SDS: variants seen among roughly 807,000 people sequenced by gnomAD.
SDS encodes the protein serine dehydratase, also known as L-serine dehydratase/L-threonine deaminase.
In SDS, 19 loss-of-function variants were observed where a neutral mutation model predicts 29.3. The observed-to-expected ratio is 0.65, with a 90% CI of 0.45 to 0.95. The LOEUF is 0.95. Ranked by LOEUF, SDS falls within the 40% of genes least tolerant of loss-of-function variation. The probability of loss-of-function intolerance (pLI) is 0.00; values close to 1 mark genes in which losing one functional copy is unlikely to be tolerated. For synonymous variants in SDS, 176 were observed against 189.0 expected (o/e 0.93, Z 0.56); for missense variants, 375 against 439.9 (o/e 0.85, Z 1.32).
intron 1 of SDS, 44 bp from the exon 2 acceptor site, chr12:113,399,754 C>G: frequency 6.8e-7 from 1 of 1,464,476 alleles, no homozygotes; most frequent in East Asian, 2.5e-5. Flanking sequence ...AGAGCTAGCC[C>G]CGGTGCCAGC....
intron 1 of SDS, among the ~76,000 whole-genome samples, chr12:113,403,340 A>G (rs989228032): frequency 2.0e-5 from 3 of 152,000 alleles, no homozygotes; most frequent in Non-Finnish European, 4.4e-5. Flanking sequence ...CCTGGCCAAC[A>G]TGGTGAAACC....
chr12:113,392,594 T>G lies in SDS; in HGVS notation c.*347A>C. On this transcript the variant is annotated 3_prime_UTR_variant, in exon 8 of 8. Transcript: ENST00000257549. ...CTGTTGACCTTCACTGGGAACAAGT[T>G]CAGGGGCGAGGTCACAGCTTTGAGG... 1 of 287,262 alleles carries G rather than the reference T, an allele frequency of 3.5e-6. No homozygotes were observed. The highest frequency in any genetic ancestry group is 6.5e-6 in the Non-Finnish European group (1 of 153,328). 17.8% of individuals were successfully genotyped at this position (287,262 alleles called of 1,614,324 possible).
chr12:113,401,374 TATTC>T lies in SDS; in HGVS notation c.-2-1668_-2-1665del, dbSNP rs200709963. Among the ~76,000 whole-genome samples the T allele has an allele frequency of 9.4e-3, 1,416 of 150,308 alleles. 8 individuals are homozygous for T. The highest frequency in any genetic ancestry group is 0.031 in the East Asian group (160 of 5,112). On this transcript the variant is annotated intron_variant, in intron 1 of 7. Transcript: ENST00000257549. ...GTGACTAATCACAGCTTTTAAATTTTATTCATTCATTCATTCATTCATTCATTCA... is the reference window on the plus strand; with the variant it reads ...GTGACTAATCACAGCTTTTAAATTTTATTCATTCATTCATTCATTCATTCA...
At chr12:113,403,069 A>G (rs1468701085) in intron 1 of SDS, among the ~76,000 whole-genome samples, 1 of 152,132 alleles carries the variant, frequency 6.6e-6, no homozygotes, top group African/African-American at 2.4e-5. Context: ...TCCCCATTCT[A>G]CAGATGTGGA....
chr12:113,401,807 T>C (rs1165417076), intron 1 of SDS, among the ~76,000 whole-genome samples: 1 of 152,104 alleles, frequency 6.6e-6, no homozygotes, highest in East Asian at 1.9e-4. Flanking sequence ...TCCCCTGCCT[T>C]CTGCTGAGAG....
intron 2 of SDS, 128 bp downstream of exon 2, chr12:113,399,428 C>T: frequency 8.5e-7 from 1 of 1,182,812 alleles, no homozygotes; most frequent in South Asian, 1.6e-5. Flanking sequence ...ATGGTGGACG[C>T]TCAGTCCTTG....
chr12:113,399,571 C>T lies in SDS; in HGVS notation c.138G>A (p.Gly46=). The change falls in exon 2 of 8, where the codon GGG becomes GGA. Residue 46 remains glycine, a synonymous_variant. Transcript: ENST00000257549. ...PSGSFKIRGI[G]HFCKRWAKQG... ...GGTCCCGTACCCTCTTGCAGAAGTG[C>T]CCAATGCCCCGGATCTTGAAGGAGC... 1 of 1,593,378 alleles carries T rather than the reference C, an allele frequency of 6.3e-7. No homozygotes were observed. Among genetic ancestry groups the T allele is most frequent in the Non-Finnish European group, 8.5e-7 (1 of 1,171,968 alleles).
At chr12:113,399,846 C>T in intron 1 of SDS, 136 bp from the exon 2 acceptor site, 1 of 866,058 alleles carries the variant, frequency 1.2e-6, no homozygotes, top group Admixed American at 3.3e-5. Context: ...GACCTGGGCT[C>T]TAATCGCAAG....
At chr12:113,394,193 C>T (rs1467801154) in intron 6 of SDS, among the ~76,000 whole-genome samples, 177 bp from the exon 7 acceptor site, 1 of 152,142 alleles carries the variant, frequency 6.6e-6, no homozygotes. Flanking sequence ...GATCCCCAAA[C>T]CAAGTGGGGT....
At chr12:113,396,267 C>A (rs916433112) in intron 6 of SDS, among the ~76,000 whole-genome samples, 2 of 152,236 alleles carry the variant, frequency 1.3e-5, no homozygotes, top group Admixed American at 6.5e-5. Flanking sequence ...GTATGTAAAA[C>A]CTTGCCACAG....
intron 7 of SDS, 36 bp from the exon 8 acceptor site, chr12:113,393,185 A>G (rs1400182698): frequency 6.2e-7 from 1 of 1,600,764 alleles, no homozygotes; most frequent in East Asian, 2.2e-5. Context: ...GCGTGGCCTG[A>G]GTTTCCCAGG....
At position 113,398,830 on chromosome 12, in the gene SDS, C is replaced by A; in HGVS notation, c.210G>T (p.Met70Ile). ...FVCSSAGNAG[M>I]AAAYAARQLG... Reference sequence around the variant, plus strand: ...GTTGCCTGGCCGCATATGCAGCCGCCATGCCTGCGTTGCCCGCTGCCAGGG... The same window carrying A: ...GTTGCCTGGCCGCATATGCAGCCGCAATGCCTGCGTTGCCCGCTGCCAGGG... The change falls in exon 4 of 8, where the codon ATG becomes ATT. Residue 70 changes from methionine (M) to isoleucine (I), a missense_variant. By Grantham distance (10) the Met-to-Ile change is conservative. Coordinates refer to ENST00000257549, the MANE Select transcript of SDS (RefSeq NM_006843.3). 1 of 1,608,184 alleles carries A rather than the reference C, an allele frequency of 6.2e-7. No homozygotes were observed. The highest frequency in any genetic ancestry group is 1.1e-5 in the South Asian group (1 of 90,392).
At chr12:113,396,318 C>T (rs1247097201) in intron 6 of SDS, among the ~76,000 whole-genome samples, 1 of 151,724 alleles carries the variant, frequency 6.6e-6, no homozygotes, top group African/African-American at 2.4e-5. Flanking sequence ...TCCTTCCTTC[C>T]TTCCTTCCTC....
At position 113,397,255 on chromosome 12, in the gene SDS, A is replaced by T. The variant is rs1010774727; in HGVS notation, c.563T>A (p.Val188Glu). The stretch of plus-strand genomic sequence containing the variant: ...AAAAGTCTCCATGGCGATGACAGGC[A>T]CGTCCCCCCAGCCCACCTCCTGCAG... ...QGLQEVGWGD[V>E]PVIAMETFGA... The change falls in exon 6 of 8, where the codon GTG becomes GAG. Residue 188 changes from valine (V) to glutamate (E), a missense_variant. Val to Glu is a moderately radical substitution (Grantham distance 121, BLOSUM62 -2). Transcript: ENST00000257549. 8.1e-6 allele frequency: 13 copies of T among 1,614,046 alleles called. No individual in the cohort carries two copies. The highest frequency in any genetic ancestry group is 2.7e-5 in the African/African-American group (2 of 74,930).
chr12:113,398,050 G>A (rs1354090536), intron 5 of SDS, among the ~76,000 whole-genome samples: 2 of 151,166 alleles, frequency 1.3e-5, no homozygotes, highest in Non-Finnish European at 2.9e-5. Context: ...TGGGTGTAAC[G>A]TGTGTTTCTT....
Position 113,397,404 on chromosome 12 carries a change from GGA to G in SDS, c.426-14_426-13del. ...AAGCGTGGCCTTCCCTGGAGGGTGGGGAGAGGGGGTGGCAGGTCAGGGCTAGG... is the reference window on the plus strand; with the variant it reads ...AAGCGTGGCCTTCCCTGGAGGGTGGGGAGGGGGTGGCAGGTCAGGGCTAGG... On this transcript the variant is annotated splice_polypyrimidine_tract_variant and intron_variant, in intron 5 of 7. Transcript: ENST00000257549. 6.3e-7 allele frequency: 1 copy of G among 1,593,836 alleles called. No homozygotes were observed. The highest frequency in any genetic ancestry group is 8.6e-7 in the Non-Finnish European group (1 of 1,165,974).
intron 5 of SDS, 124 bp downstream of exon 5, chr12:113,398,391 G>T: frequency 1.5e-6 from 1 of 659,442 alleles, no homozygotes; most frequent in Non-Finnish European, 2.7e-6. Flanking sequence ...TCTACATGGT[G>T]GTGTGCGCAC....
intron 6 of SDS, chr12:113,396,582 C>CTTCA (rs1957648148): frequency 9.4e-6 from 1 of 105,908 alleles, no homozygotes; most frequent in East Asian, 3.1e-4. Context: ...TCCTTCCTTC[C>CTTCA]TTCCTTCCTT....
At chr12:113,401,905 C>T (rs1957686495) in intron 1 of SDS, among the ~76,000 whole-genome samples, 2 of 152,194 alleles carry the variant, frequency 1.3e-5, no homozygotes, top group Non-Finnish European at 2.9e-5. Context: ...GTTCCCCCTC[C>T]CTCCACCATC....
Sources: gnomAD v4.1 joint callset for allele counts (sites outside exome capture counted in the v4.1 genomes callset) on GRCh38, gnomAD v4.1.1 for gene constraint, MANE v1.5 for transcripts, NCBI Gene and HGNC (gene_info 2026-07-23, HGNC 2026-07-21) for gene names.